ANKRD11: variants seen among roughly 807,000 people sequenced by gnomAD.
ANKRD11 encodes the protein ankyrin repeat domain 11.
Under a neutral mutation model 195.7 loss-of-function variants are expected in ANKRD11, and 17 were observed. The ratio of observed to expected loss-of-function variants is 0.09; its 90% confidence interval spans 0.06 to 0.13. The LOEUF (loss-of-function observed/expected upper bound fraction) is 0.13. Ranked by LOEUF, ANKRD11 falls within the 10% of genes least tolerant of loss-of-function variation. The probability of loss-of-function intolerance (pLI) is 1.00; values close to 1 mark genes in which losing one functional copy is unlikely to be tolerated. For synonymous variants in ANKRD11, 1,953 were observed against 1,528.1 expected, an observed-to-expected ratio of 1.28 and a Z score of -6.49; for missense variants, 3,735 against 3,566.1, an observed-to-expected ratio of 1.05 and a Z score of -1.21.
intron 3 of ANKRD11, among the ~76,000 whole-genome samples, chr16:89,314,562 T>C (rs2036830416): frequency 6.6e-6 from 1 of 152,140 alleles, no homozygotes; most frequent in South Asian, 2.1e-4. Context: ...CGTGCTACCC[T>C]GCCGAGACTG....
chr16:89,413,743 C>T (rs1024901039), intron 2 of ANKRD11, among the ~76,000 whole-genome samples: 3 of 152,210 alleles, frequency 2.0e-5, no homozygotes, highest in Non-Finnish European at 4.4e-5. Flanking sequence ...GAGCATTCTA[C>T]GGCAGGACAC....
rs537653487 is a variant in ANKRD11 at position 89,310,023 on chromosome 16, C to T, written c.88-4679G>A. 2.6e-5 allele frequency among the ~76,000 whole-genome samples: 4 copies of T among 152,312 alleles called. No individual in the cohort carries two copies. In the South Asian group the frequency reaches 8.3e-4, roughly 32 times the overall value. Reference sequence around the variant, plus strand: ...GACTTCCACTCATGGGAAGCACACACAGAGGAAAGAGAAAGTTGTAGTAAC... The same window carrying T: ...GACTTCCACTCATGGGAAGCACACATAGAGGAAAGAGAAAGTTGTAGTAAC... On this transcript the variant is annotated intron_variant, in intron 3 of 12. Coordinates refer to ENST00000301030, the MANE Select transcript of ANKRD11 (RefSeq NM_013275.6).
Position 89,305,195 on chromosome 16 carries a change from CG to C in ANKRD11, c.226+10del. The C allele has an allele frequency of 1.2e-6, 2 of 1,610,164 alleles. No individual in the cohort carries two copies. The highest frequency in any genetic ancestry group is 1.7e-6 in the Non-Finnish European group (2 of 1,179,358). On this transcript the variant is annotated intron_variant, in intron 4 of 12. Coordinates refer to ENST00000301030, the MANE Select transcript of ANKRD11 (RefSeq NM_013275.6). ...GGAGGGCTGACTGCAGGAGGGGCCG[CG>C]GGCTGGTACCTGTGTCCGAGTCCTT...
intron 1 of ANKRD11, among the ~76,000 whole-genome samples, chr16:89,419,226 C>CG (rs2042417915): frequency 1.3e-5 from 2 of 151,808 alleles, no homozygotes; most frequent in African/African-American, 4.8e-5. Flanking sequence ...CCGAGGTGGG[C>CG]GGATCACTTG....
intron 2 of ANKRD11, chr16:89,361,627 G>A (rs1030545858): frequency 6.2e-4 from 94 of 152,336 alleles, no homozygotes; most frequent in African/African-American, 2.1e-3. Flanking sequence ...GCCGCTCTGA[G>A]GGCAGTGGGA....
intron 1 of ANKRD11, among the ~76,000 whole-genome samples, chr16:89,448,270 A>G (rs2043899062): frequency 6.6e-6 from 1 of 152,226 alleles, no homozygotes; most frequent in African/African-American, 2.4e-5. Flanking sequence ...ATATATGTGC[A>G]AATTATTTCC....
chr16:89,488,412 G>A (rs898507157), intron 1 of ANKRD11, among the ~76,000 whole-genome samples: 1 of 151,602 alleles, frequency 6.6e-6, no homozygotes, highest in East Asian at 1.9e-4. Flanking sequence ...CAATGCAAGG[G>A]TCACAATGAA....
intron 2 of ANKRD11, among the ~76,000 whole-genome samples, chr16:89,382,958 A>G (rs1283305327): frequency 6.6e-6 from 1 of 152,204 alleles, no homozygotes; most frequent in Admixed American, 6.5e-5. Context: ...CTCCAGCCTC[A>G]GCCTCCCGAG....
chr16:89,359,816 A>T (rs2039653449), intron 2 of ANKRD11, among the ~76,000 whole-genome samples: 1 of 152,218 alleles, frequency 6.6e-6, no homozygotes, highest in South Asian at 2.1e-4. Flanking sequence ...GATAGTTTTT[A>T]TTCAATTCTT....
At chr16:89,313,658 G>C in intron 3 of ANKRD11, 5 of 1,235,266 alleles carry the variant, frequency 4.0e-6, no homozygotes, top group Non-Finnish European at 5.3e-6. Flanking sequence ...GTAGAAGACT[G>C]AGCAGAAACC....
chr16:89,397,138 C>T (rs1247339803), intron 2 of ANKRD11, among the ~76,000 whole-genome samples: 1 of 152,086 alleles, frequency 6.6e-6, no homozygotes, highest in South Asian at 2.1e-4. Context: ...CTGGCAAATG[C>T]CAGCAGACAT....
In ANKRD11 at chr16:89,279,638, G is replaced by T. The variant is rs1422916303; in HGVS notation, c.6904C>A (p.Pro2302Thr). ...DDTEASRAAA[P>T]AEGPPGGIQP... ...ATGCCGCCAGGAGGGCCTTCGGCTG[G>T]GGCGGCGGCACGGGAGGCCTCAGTG... Residue 2302 changes from proline (P) to threonine (T), a missense_variant, in exon 9 of 13, where the codon CCA (proline) becomes ACA (threonine). Physicochemically the swap from Pro to Thr is conservative, Grantham distance 38. Transcript: ENST00000301030. This position sits in a 1 kb window ranked among gnomAD's most constrained non-coding sequence, Gnocchi z 5.6. The T allele has an allele frequency of 1.4e-5, 20 of 1,438,296 alleles. No individual in the cohort carries two copies. The highest frequency in any genetic ancestry group is 1.8e-5 in the Non-Finnish European group (20 of 1,100,852). 89.1% of individuals were successfully genotyped at this position (1,438,296 alleles called of 1,614,324 possible).
chr16:89,463,088 G>A (rs1434014922), intron 1 of ANKRD11, among the ~76,000 whole-genome samples: 9 of 150,578 alleles, frequency 6.0e-5, no homozygotes, highest in Admixed American at 1.3e-4. Flanking sequence ...CGCCCCGCCC[G>A]GGAGGTGAGG....
At chr16:89,453,427 A>T (rs1054873714) in intron 1 of ANKRD11, among the ~76,000 whole-genome samples, 1 of 152,206 alleles carries the variant, frequency 6.6e-6, no homozygotes, top group African/African-American at 2.4e-5. Context: ...AACTAAGTTA[A>T]AGTACTAATT....
chr16:89,381,114 G>T (rs1317570873), intron 2 of ANKRD11, among the ~76,000 whole-genome samples: 1 of 152,258 alleles, frequency 6.6e-6, no homozygotes, highest in South Asian at 2.1e-4. Flanking sequence ...TTTGAGATCA[G>T]GAGTTTGAGA....
chr16:89,272,696 T>C (rs970009553), intron 11 of ANKRD11: 1 of 152,144 alleles, frequency 6.6e-6, no homozygotes, highest in African/African-American at 2.4e-5. Context: ...ATCAGTATAT[T>C]GAAACGGTGT....
intron 1 of ANKRD11, among the ~76,000 whole-genome samples, chr16:89,480,867 C>A (rs887524933): frequency 5.3e-5 from 8 of 152,180 alleles, no homozygotes; most frequent in African/African-American, 1.9e-4. Flanking sequence ...CTGTGCCCCT[C>A]AAGAATTCCC....
At chr16:89,322,130 C>T (rs2086307075) in intron 2 of ANKRD11, among the ~76,000 whole-genome samples, 1 of 152,206 alleles carries the variant, frequency 6.6e-6, no homozygotes, top group African/African-American at 2.4e-5. Context: ...AAGTTCTACA[C>T]AAATTTTCAA....
chr16:89,333,264 C>T (rs146504080), intron 2 of ANKRD11, among the ~76,000 whole-genome samples: 2 of 152,324 alleles, frequency 1.3e-5, no homozygotes, highest in African/African-American at 4.8e-5. Context: ...GCTTTAGGTT[C>T]ACAGCAAAAT....
Sources: allele counts gnomAD v4.1 joint callset (sites outside exome capture counted in the v4.1 genomes callset), GRCh38; gene constraint gnomAD v4.1.1; non-coding constraint Gnocchi (gnomAD v3.1); transcripts MANE v1.5; gene names NCBI Gene and HGNC (gene_info 2026-07-23, HGNC 2026-07-21).